The following LGALSL variants were observed in gnomAD, a reference collection of about 807,000 sequenced individuals.
LGALSL encodes the protein galectin like, also known as galectin-related protein.
Under a neutral mutation model 19.5 loss-of-function variants are expected in LGALSL, and 13 were observed. The observed-to-expected ratio is 0.67, with a 90% CI of 0.43 to 1.06. LGALSL has a LOEUF of 1.06. Ranked by LOEUF, LGALSL falls within the 50% of genes least tolerant of loss-of-function variation. LGALSL has a pLI of 0.00. For missense variants in LGALSL, 189 were observed against 219.3 expected (o/e 0.86, Z 0.87); for synonymous variants, 86 against 78.3 (o/e 1.10, Z -0.52).
At position 64,454,377 on chromosome 2, in the gene LGALSL, C is replaced by A; in HGVS notation, c.-169C>A. On this transcript the variant is annotated 5_prime_UTR_variant, in exon 1 of 5. Transcript: ENST00000238875. This position sits in a 1 kb window ranked among gnomAD's most constrained non-coding sequence, Gnocchi z 5.1. The stretch of plus-strand genomic sequence containing the variant: ...TCCCCTCCCCTCCTCCCAGGCTCTG[C>A]CTGCCAGGTCGGCGCCGGGCCCCGG... 2.6e-6 allele frequency: 1 copy of A among 388,352 alleles called. No individual in the cohort carries two copies. Among genetic ancestry groups the A allele is most frequent in the Non-Finnish European group, 4.5e-6 (1 of 221,462 alleles). 24.1% of individuals were successfully genotyped at this position (388,352 alleles called of 1,614,324 possible). A position where few individuals can be genotyped will look rare whatever the true frequency, so the allele number is the denominator to read the frequency against.
In LGALSL at chr2:64,459,791, C is replaced by T. The variant is rs1383872174; in HGVS notation, c.*1363C>T. ...GTGACTCCAACAGGAGGTTGCAGTA[C>T]TGTAAACGTCACCGCAAGGCAAGGG... On this transcript the variant is annotated 3_prime_UTR_variant, in exon 5 of 5. Coordinates refer to ENST00000238875, the MANE Select transcript of LGALSL (RefSeq NM_014181.3). The T allele has an allele frequency of 6.6e-6, 1 of 152,216 alleles. No homozygotes were observed. Among genetic ancestry groups the T allele is most frequent in the African/African-American group, 2.4e-5 (1 of 41,452 alleles). The allele number at this position is 152,216 out of a possible 1,614,324, so 9.4% of individuals were successfully genotyped here.
At chr2:64,458,110 A>G (rs551231797) in intron 4 of LGALSL, among the ~76,000 whole-genome samples, 175 bp from the exon 5 acceptor site, 86 of 152,330 alleles carry the variant, frequency 5.6e-4, no homozygotes, top group Non-Finnish European at 2.2e-4. Flanking sequence ...GGAATCAGAA[A>G]TTTTGGAGGT....
At position 64,458,484 on chromosome 2, in the gene LGALSL, T is replaced by A; in HGVS notation, c.*56T>A. On this transcript the variant is annotated 3_prime_UTR_variant, in exon 5 of 5. Coordinates refer to ENST00000238875, the MANE Select transcript of LGALSL (RefSeq NM_014181.3). ...CGTGCCACAACTATCTGACTGTTGG[T>A]CTGGAAGAAGTGTCCTAGCAAGATC... 2 of 1,539,522 alleles carry A rather than the reference T, an allele frequency of 1.3e-6. No homozygotes were observed. The highest frequency in any genetic ancestry group is 1.8e-6 in the Non-Finnish European group (2 of 1,126,074).
At position 64,460,642 on chromosome 2, in the gene LGALSL, C is replaced by T. The variant is rs1158959473; in HGVS notation, c.*2214C>T. The stretch of plus-strand genomic sequence containing the variant: ...GTTTCTCTGTGAGGTTAGTGGGAAC[C>T]GCTTGGATAAGCCTATTGGGATTAA... On this transcript the variant is annotated 3_prime_UTR_variant, in exon 5 of 5. Transcript: ENST00000238875. The T allele has an allele frequency of 6.6e-6, 1 of 152,148 alleles. No individual in the cohort carries two copies. Among genetic ancestry groups the T allele is most frequent in the Non-Finnish European group, 1.5e-5 (1 of 68,040 alleles). The allele number at this position is 152,148 out of a possible 1,614,324, so 9.4% of individuals were successfully genotyped here.
Position 64,454,247 on chromosome 2 carries a change from G to GGCCAGC in LGALSL, c.-298_-297insCCAGCG, listed in dbSNP as rs1349664419. Reference sequence around the variant, plus strand: ...ACGGCCCTCGCCACTTTTCTTGGTCGGGCAGCGGCAGCGGCAGCGGCAGCA... The same window carrying GGCCAGC: ...ACGGCCCTCGCCACTTTTCTTGGTCGGCCAGCGGCAGCGGCAGCGGCAGCGGCAGCA... On this transcript the variant is annotated 5_prime_UTR_variant, in exon 1 of 5. Coordinates refer to ENST00000238875, the MANE Select transcript of LGALSL (RefSeq NM_014181.3). The surrounding 1 kb of genome is among the most constrained non-coding windows in gnomAD (Gnocchi z 5.1). 2.5e-6 allele frequency: 1 copy of GGCCAGC among 395,628 alleles called. No homozygotes were observed. The highest frequency in any genetic ancestry group is 3.6e-5 in the East Asian group (1 of 27,914). 24.5% of individuals were successfully genotyped at this position (395,628 alleles called of 1,614,324 possible).
Position 64,458,586 on chromosome 2 carries a change from G to A in LGALSL, c.*158G>A. 1.6e-6 allele frequency: 1 copy of A among 643,898 alleles called. No individual in the cohort carries two copies. Among genetic ancestry groups the A allele is most frequent in the Non-Finnish European group, 2.6e-6 (1 of 388,658 alleles). 39.9% of individuals were successfully genotyped at this position (643,898 alleles called of 1,614,324 possible). A position where few individuals can be genotyped will look rare whatever the true frequency, so the allele number is the denominator to read the frequency against. ...GTTTGCCCTTAAGAAGAAAGCTGTT[G>A]GGACAAAGACACCGAGCCATTATAC... On this transcript the variant is annotated 3_prime_UTR_variant, in exon 5 of 5. Transcript: ENST00000238875.
In LGALSL at chr2:64,455,749, A is replaced by G. The variant is rs974986099; in HGVS notation, c.197+72A>G. On this transcript the variant is annotated intron_variant, in intron 3 of 4. Transcript: ENST00000238875. ...GCCCTGCCCACTTCTGTTGTGGTTTAGCACTCCTCTTCCTCTCCTTGTGGA... is the reference window on the plus strand; with the variant it reads ...GCCCTGCCCACTTCTGTTGTGGTTTGGCACTCCTCTTCCTCTCCTTGTGGA... 5.5e-6 allele frequency: 6 copies of G among 1,093,694 alleles called. No homozygotes were observed. In the African/African-American group the frequency reaches 9.3e-5, roughly 17 times the overall value. The allele number at this position is 1,093,694 out of a possible 1,614,324, so 67.7% of individuals were successfully genotyped here.
Position 64,455,360 on chromosome 2 carries a change from A to T in LGALSL, c.53A>T (p.His18Leu), listed in dbSNP as rs759690686. ...TATTTTTAGAAACTAGATGATGGCC[A>T]TTTAAACAACTCTTTGAGCTCTCCA... The part of the protein sequence containing the change: ...SDAVVKLDDG[H>L]LNNSLSSPVQ... Residue 18 changes from histidine (H) to leucine (L), a missense_variant, in exon 2 of 5, where the codon CAT (histidine) becomes CTT (leucine). This residue lies in a region of LGALSL where 62 missense variants were observed against 49.0 expected (regional missense o/e 1.27). Coordinates refer to ENST00000238875, the MANE Select transcript of LGALSL (RefSeq NM_014181.3). 2.5e-6 allele frequency: 4 copies of T among 1,613,516 alleles called. No homozygotes were observed. The highest frequency in any genetic ancestry group is 2.7e-5 in the African/African-American group (2 of 74,912).
At chr2:64,455,303 A>C in intron 1 of LGALSL, 41 bp from the exon 2 acceptor site, 11 of 1,382,856 alleles carry the variant, frequency 8.0e-6, no homozygotes, top group Non-Finnish European at 1.1e-5. Context: ...CCCCCCAAAA[A>C]AGAGCCCATG....
rs949450092 is a variant in LGALSL at position 64,454,851 on chromosome 2, C to G, written c.36+270C>G. Among the ~76,000 whole-genome samples the G allele has an allele frequency of 2.9e-4, 44 of 151,522 alleles. No homozygotes were observed. The highest frequency in any genetic ancestry group is 5.2e-4 in the Non-Finnish European group (35 of 67,748). On this transcript the variant is annotated intron_variant, in intron 1 of 4. Coordinates refer to ENST00000238875, the MANE Select transcript of LGALSL (RefSeq NM_014181.3). The surrounding 1 kb of genome is among the most constrained non-coding windows in gnomAD (Gnocchi z 5.1). ...GCCCGACAGCCCCCTCTGTGCCGTG[C>G]AACCGCCAGCCAGGTGTGCGCGTGG...
chr2:64,454,432 C>G lies in LGALSL; in HGVS notation c.-114C>G, dbSNP rs1686695368. ...GCGCGCGCGCGCCCCCTCGTGTGTG[C>G]GCGCGCCCGCCGCCAGCTCGGACCC... is the stretch of plus-strand genomic sequence containing the variant. On this transcript the variant is annotated 5_prime_UTR_variant, in exon 1 of 5. Transcript: ENST00000238875. The surrounding 1 kb of genome is among the most constrained non-coding windows in gnomAD (Gnocchi z 5.1). 1 of 443,164 alleles carries G rather than the reference C, an allele frequency of 2.3e-6. No homozygotes were observed. The highest frequency in any genetic ancestry group is 3.4e-6 in the Non-Finnish European group (1 of 292,542). 27.5% of individuals were successfully genotyped at this position (443,164 alleles called of 1,614,324 possible). A position where few individuals can be genotyped will look rare whatever the true frequency, so the allele number is the denominator to read the frequency against.
intron 4 of LGALSL, 152 bp downstream of exon 4, chr2:64,456,617 C>G (rs977348636): frequency 6.6e-6 from 4 of 609,728 alleles, no homozygotes; most frequent in Non-Finnish European, 1.1e-5. Flanking sequence ...CAAAAGAGCT[C>G]TGTTTGCTGA....
At position 64,461,139 on chromosome 2, in the gene LGALSL, G is replaced by A. The variant is rs1255718822; in HGVS notation, c.*2711G>A. ...TTAGAATTGAGGATTTGTTAAAATG[G>A]CAAGTCATTTCATTTGTGTTAAAAA... On this transcript the variant is annotated 3_prime_UTR_variant, in exon 5 of 5. Transcript: ENST00000238875. 6.6e-6 allele frequency: 1 copy of A among 152,122 alleles called. No individual in the cohort carries two copies. The highest frequency in any genetic ancestry group is 1.9e-4 in the East Asian group (1 of 5,194). The allele number at this position is 152,122 out of a possible 1,614,324, so 9.4% of individuals were successfully genotyped here.
Position 64,459,156 on chromosome 2 carries a change from G to A in LGALSL, c.*728G>A, listed in dbSNP as rs1471867578. 2 of 152,194 alleles carry A rather than the reference G, an allele frequency of 1.3e-5. No individual in the cohort carries two copies. The highest frequency in any genetic ancestry group is 2.9e-5 in the Non-Finnish European group (2 of 68,040). The allele number at this position is 152,194 out of a possible 1,614,324, so 9.4% of individuals were successfully genotyped here. On this transcript the variant is annotated 3_prime_UTR_variant, in exon 5 of 5. Coordinates refer to ENST00000238875, the MANE Select transcript of LGALSL (RefSeq NM_014181.3). ...TTAGGATCTCTTGATATAAACTGCT[G>A]TAAGTGCTTTTGGGAAACCTTTGCA...
Position 64,460,298 on chromosome 2 carries a change from G to A in LGALSL, c.*1870G>A, listed in dbSNP as rs1686804727. The A allele has an allele frequency of 1.3e-5, 2 of 152,194 alleles. No homozygotes were observed. Among genetic ancestry groups the A allele is most frequent in the African/African-American group, 4.8e-5 (2 of 41,438 alleles). The allele number at this position is 152,194 out of a possible 1,614,324, so 9.4% of individuals were successfully genotyped here. Reference sequence around the variant, plus strand: ...ATATTCAGCCTGTTCCGTGGGGGCTGTTCTGTGGTTCCAGGTATTTTCAAG... The same window carrying A: ...ATATTCAGCCTGTTCCGTGGGGGCTATTCTGTGGTTCCAGGTATTTTCAAG... On this transcript the variant is annotated 3_prime_UTR_variant, in exon 5 of 5. Coordinates refer to ENST00000238875, the MANE Select transcript of LGALSL (RefSeq NM_014181.3).
chr2:64,454,654 T>C lies in LGALSL; in HGVS notation c.36+73T>C, dbSNP rs1686701825. 19 of 1,085,000 alleles carry C rather than the reference T, an allele frequency of 1.8e-5. No homozygotes were observed. Among genetic ancestry groups the C allele is most frequent in the Non-Finnish European group, 2.1e-5 (18 of 852,938 alleles). 67.2% of individuals were successfully genotyped at this position (1,085,000 alleles called of 1,614,324 possible). On this transcript the variant is annotated intron_variant, in intron 1 of 4. Transcript: ENST00000238875. This position sits in a 1 kb window ranked among gnomAD's most constrained non-coding sequence, Gnocchi z 5.1. Reference sequence around the variant, plus strand: ...ACTCCGCCGCCGCCTGCTCCAGCAGTGCTGGGGTGCTGAGCAGCCGCAGGC... The same window carrying C: ...ACTCCGCCGCCGCCTGCTCCAGCAGCGCTGGGGTGCTGAGCAGCCGCAGGC...
rs1305469361 is a variant in LGALSL at position 64,459,923 on chromosome 2, T to TG, written c.*1500dup. ...AGTGAGGGAAGACAGGGTTCTGGGG[T>TG]GGGGGTGTATTTATATATAATTTAG... On this transcript the variant is annotated 3_prime_UTR_variant, in exon 5 of 5. Coordinates refer to ENST00000238875, the MANE Select transcript of LGALSL (RefSeq NM_014181.3). 2 of 151,662 alleles carry TG rather than the reference T, an allele frequency of 1.3e-5. No individual in the cohort carries two copies. The highest frequency in any genetic ancestry group is 1.9e-4 in the East Asian group (1 of 5,172). The allele number at this position is 151,662 out of a possible 1,614,324, so 9.4% of individuals were successfully genotyped here.
chr2:64,454,402 G>GGCGCGCGCGCGCGCGCCCCCTCGTGTGT lies in LGALSL; in HGVS notation c.-135_-108dup, dbSNP rs1467241484. The stretch of plus-strand genomic sequence containing the variant: ...CCTGCCAGGTCGGCGCCGGGCCCCG[G>GGCGCGCGCGCGCGCGCCCCCTCGTGTGT]GCGCGCGCGCGCGCGCCCCCTCGTG... On this transcript the variant is annotated 5_prime_UTR_variant, in exon 1 of 5. Transcript: ENST00000238875. This position sits in a 1 kb window ranked among gnomAD's most constrained non-coding sequence, Gnocchi z 5.1. 1 of 378,002 alleles carries GGCGCGCGCGCGCGCGCCCCCTCGTGTGT rather than the reference G, an allele frequency of 2.6e-6. No individual in the cohort carries two copies. The highest frequency in any genetic ancestry group is 4.6e-6 in the Non-Finnish European group (1 of 218,610). The allele number at this position is 378,002 out of a possible 1,614,324, so 23.4% of individuals were successfully genotyped here.
rs767358236 is a variant in LGALSL, at chr2:64,455,642, G to C, written c.162G>C (p.Val54=). Residue 54 remains valine, a synonymous_variant, in exon 3 of 5, where the codon GTG becomes GTC. Transcript: ENST00000238875. The stretch of plus-strand genomic sequence containing the variant: ...GTGGCATGAGACCAGGCAAGAAGGT[G>C]TTAGTGATGGGCATCGTAGACCTCA... The part of the protein sequence containing the change: ...IKGGMRPGKK[V]LVMGIVDLNP... The C allele has an allele frequency of 3.1e-6, 5 of 1,613,898 alleles. No individual in the cohort carries two copies. Among genetic ancestry groups the C allele is most frequent in the Non-Finnish European group, 4.2e-6 (5 of 1,179,892 alleles).
Sources: gnomAD v4.1 joint callset for allele counts (sites outside exome capture counted in the v4.1 genomes callset) on GRCh38, gnomAD v4.1.1 for gene constraint, gnomAD v4.1.1 regional missense constraint, Gnocchi (gnomAD v3.1) non-coding constraint, MANE v1.5 for transcripts, NCBI Gene and HGNC (gene_info 2026-07-23, HGNC 2026-07-21) for gene names.